The following ASAP2 variants were observed in gnomAD, a reference collection of about 807,000 sequenced individuals.
ASAP2 encodes ArfGAP with SH3 domain, ankyrin repeat and PH domain 2.
In ASAP2, 45 loss-of-function variants were observed where a neutral mutation model predicts 131.4. That is an observed-to-expected ratio of 0.34 (90% CI 0.27 to 0.44). The LOEUF is 0.44. Ranked by LOEUF, ASAP2 falls within the 20% of genes least tolerant of loss-of-function variation. The pLI is 1.00. For synonymous variants in ASAP2, 510 were observed against 503.0 expected (o/e 1.01, Z -0.19); for missense variants, 1,011 against 1,297.0 (o/e 0.78, Z 3.39).
chr2:9,242,656 T>G (rs1011950138), intron 1 of ASAP2, among the ~76,000 whole-genome samples: 5 of 152,316 alleles, frequency 3.3e-5, no homozygotes, highest in South Asian at 2.1e-4. Context: ...CCAGAGGCCT[T>G]TGCTTCCTCA....
chr2:9,265,011 C>T (rs1015427623), intron 1 of ASAP2, among the ~76,000 whole-genome samples: 11 of 152,134 alleles, frequency 7.2e-5, no homozygotes, highest in African/African-American at 2.7e-4. Context: ...TGGCATGTGC[C>T]TGTGCTCCCA....
chr2:9,376,879 T>C (rs1674441046), intron 17 of ASAP2, 29 bp from the exon 18 acceptor site: 1 of 1,602,656 alleles, frequency 6.2e-7, no homozygotes, highest in Non-Finnish European at 8.5e-7. Context: ...CCCATTAGAA[T>C]TCTGGAATGC....
Position 9,403,444 on chromosome 2 carries a change from C to A in ASAP2, c.*117C>A. The stretch of plus-strand genomic sequence containing the variant: ...GTATGGCAGCCCATGTTCTCTAATG[C>A]CACTGCTCTGTTTTAAAAACTCAGA... On this transcript the variant is annotated 3_prime_UTR_variant, in exon 28 of 28. Transcript: ENST00000281419. The A allele has an allele frequency of 1.1e-6, 1 of 870,946 alleles. No individual in the cohort carries two copies. The highest frequency in any genetic ancestry group is 1.8e-5 in the South Asian group (1 of 56,398). The allele number at this position is 870,946 out of a possible 1,614,324, so 54.0% of individuals were successfully genotyped here. A position where few individuals can be genotyped will look rare whatever the true frequency, so the allele number is the denominator to read the frequency against.
chr2:9,242,289 G>A (rs886226106), intron 1 of ASAP2, among the ~76,000 whole-genome samples: 8 of 152,238 alleles, frequency 5.3e-5, no homozygotes, highest in Non-Finnish European at 1.2e-4. Flanking sequence ...TGCTGACACT[G>A]TCAGGAGCTC....
intron 5 of ASAP2, among the ~76,000 whole-genome samples, chr2:9,322,061 C>T (rs1670181227): frequency 2.0e-5 from 3 of 152,100 alleles, no homozygotes; most frequent in Non-Finnish European, 2.9e-5. Flanking sequence ...GGAGTGTCAG[C>T]GACACCTTGG....
intron 2 of ASAP2, among the ~76,000 whole-genome samples, chr2:9,289,809 T>A (rs1667692164): frequency 6.6e-6 from 1 of 152,214 alleles, no homozygotes; most frequent in African/African-American, 2.4e-5. Flanking sequence ...ACTCCATTGC[T>A]AGCTGCCTGT....
At chr2:9,387,422 C>CA (rs1017978158) in intron 21 of ASAP2, among the ~76,000 whole-genome samples, 1 of 152,078 alleles carries the variant, frequency 6.6e-6, no homozygotes, top group African/African-American at 2.4e-5. Context: ...ACTTTACTGA[C>CA]AAAAAACAGG....
At chr2:9,365,806 T>C (rs1673427898) in intron 15 of ASAP2, among the ~76,000 whole-genome samples, 1 of 152,176 alleles carries the variant, frequency 6.6e-6, no homozygotes, top group East Asian at 1.9e-4. Context: ...TGAGCTGCCA[T>C]AGAGCAGGAG....
chr2:9,303,261 C>T (rs778771258), intron 3 of ASAP2, among the ~76,000 whole-genome samples: 2 of 152,148 alleles, frequency 1.3e-5, no homozygotes, highest in East Asian at 1.9e-4. Context: ...GCTTGGGGTA[C>T]GTGGGAATAT....
Position 9,392,906 on chromosome 2 carries a change from C to G in ASAP2, c.2519-576C>G, listed in dbSNP as rs904751908. ...CCTCCAGGTCTTACCAGCTCTGCCA[C>G]CCTTGACGAGAGCTCTTCCCCTCCG... On this transcript the variant is annotated intron_variant, in intron 23 of 27. Coordinates refer to ENST00000281419, the MANE Select transcript of ASAP2 (RefSeq NM_003887.3). The surrounding 1 kb of genome is among the most constrained non-coding windows in gnomAD (Gnocchi z 4.0). Among the ~76,000 whole-genome samples the G allele has an allele frequency of 1.3e-5, 2 of 152,194 alleles. No individual in the cohort carries two copies. Among genetic ancestry groups the G allele is most frequent in the Non-Finnish European group, 2.9e-5 (2 of 68,032 alleles).
At chr2:9,258,119 C>T (rs1665293012) in intron 1 of ASAP2, among the ~76,000 whole-genome samples, 1 of 152,064 alleles carries the variant, frequency 6.6e-6, no homozygotes, top group Non-Finnish European at 1.5e-5. Flanking sequence ...ATACACATTT[C>T]ATTTCTTTCC....
chr2:9,212,745 C>T (rs960316663), intron 1 of ASAP2, among the ~76,000 whole-genome samples: 6 of 152,226 alleles, frequency 3.9e-5, no homozygotes, highest in Non-Finnish European at 7.3e-5. Flanking sequence ...AGTAGCCACA[C>T]GTGGCTGGTG....
At chr2:9,354,886 C>A (rs914245822) in intron 12 of ASAP2, among the ~76,000 whole-genome samples, 1 of 152,154 alleles carries the variant, frequency 6.6e-6, no homozygotes, top group African/African-American at 2.4e-5. Flanking sequence ...CACAGATGTT[C>A]GTTGTGTTTC....
intron 11 of ASAP2, among the ~76,000 whole-genome samples, chr2:9,348,110 T>G (rs1328508720): frequency 2.4e-5 from 1 of 41,624 alleles, no homozygotes; most frequent in Non-Finnish European, 9.4e-5. Context: ...GATGACACTT[T>G]TTTGTCTGTT....
chr2:9,269,270 C>T (rs1311184846), intron 1 of ASAP2, among the ~76,000 whole-genome samples: 1 of 152,032 alleles, frequency 6.6e-6, no homozygotes, highest in East Asian at 1.9e-4. Flanking sequence ...AGGGGGCGCG[C>T]ATAACATTTA....
intron 1 of ASAP2, among the ~76,000 whole-genome samples, chr2:9,214,890 A>G (rs1259715866): frequency 1.3e-5 from 2 of 151,994 alleles, no homozygotes; most frequent in East Asian, 3.9e-4. Flanking sequence ...TGTTTGTGCC[A>G]TGGCTCCCTT....
intron 27 of ASAP2, 50 bp downstream of exon 27, chr2:9,401,446 T>C (rs759085449): frequency 3.1e-6 from 5 of 1,597,808 alleles, no homozygotes; most frequent in Non-Finnish European, 4.3e-6. Context: ...GCCACGTCCC[T>C]GCCCACCTGG....
intron 1 of ASAP2, among the ~76,000 whole-genome samples, chr2:9,237,707 A>G (rs889946027): frequency 2.0e-5 from 3 of 152,154 alleles, no homozygotes; most frequent in African/African-American, 7.2e-5. Flanking sequence ...GGCATGAGCC[A>G]CCGTGCCTGG....
At chr2:9,278,327 A>T (rs2148300893) in intron 1 of ASAP2, among the ~76,000 whole-genome samples, 1 of 152,236 alleles carries the variant, frequency 6.6e-6, no homozygotes, top group Admixed American at 6.5e-5. Flanking sequence ...ATCCTGTCTA[A>T]CATGGTGAAA....
Sources: gnomAD v4.1 joint callset for allele counts (sites outside exome capture counted in the v4.1 genomes callset) on GRCh38, gnomAD v4.1.1 for gene constraint, Gnocchi (gnomAD v3.1) non-coding constraint, MANE v1.5 for transcripts, NCBI Gene and HGNC (gene_info 2026-07-23, HGNC 2026-07-21) for gene names.